The following PALLD variants were observed in gnomAD, a reference collection of about 807,000 sequenced individuals.
The protein encoded by PALLD is palladin, cytoskeletal associated protein, also known as palladin.
In PALLD, 61 loss-of-function variants were observed where a neutral mutation model predicts 123.5. The observed-to-expected ratio is 0.49, with a 90% CI of 0.40 to 0.61. The LOEUF is 0.61. PALLD is among the 20% of genes least tolerant of loss of function. The pLI, the probability that PALLD is intolerant of heterozygous loss-of-function variation, is 0.00. For synonymous variants in PALLD, 465 were observed against 496.4 expected (o/e 0.94, Z 0.84); for missense variants, 1,273 against 1,377.0 (o/e 0.92, Z 1.20).
chr4:168,918,356 A>C (rs1218593251), intron 17 of PALLD, among the ~76,000 whole-genome samples: 1 of 151,956 alleles, frequency 6.6e-6, no homozygotes, highest in Non-Finnish European at 1.5e-5. Flanking sequence ...ATACACACAC[A>C]GTGGAAAATT....
intron 8 of PALLD, among the ~76,000 whole-genome samples, chr4:168,693,057 C>T (rs780834930): frequency 5.3e-5 from 8 of 152,136 alleles, no homozygotes; most frequent in Non-Finnish European, 1.0e-4. Context: ...CACCCTGCGT[C>T]TTCATCACTT....
intron 10 of PALLD, among the ~76,000 whole-genome samples, chr4:168,862,206 A>G (rs1171228006): frequency 6.6e-6 from 1 of 152,218 alleles, no homozygotes; most frequent in Non-Finnish European, 1.5e-5. Context: ...TTGTTCTGTC[A>G]TCCAGTCTGG....
intron 18 of PALLD, among the ~76,000 whole-genome samples, chr4:168,922,446 C>T (rs1309366923): frequency 6.6e-6 from 1 of 152,156 alleles, no homozygotes; most frequent in Non-Finnish European, 1.5e-5. Context: ...TCACATGAGC[C>T]TTATGAGATA....
chr4:168,907,191 C>T (rs1362595550), intron 15 of PALLD, among the ~76,000 whole-genome samples: 1 of 152,176 alleles, frequency 6.6e-6, no homozygotes, highest in African/African-American at 2.4e-5. Flanking sequence ...CTGGCACATA[C>T]TATGCTTTCA....
chr4:168,855,952 A>G (rs1581779717), intron 10 of PALLD, among the ~76,000 whole-genome samples: 1 of 152,234 alleles, frequency 6.6e-6, no homozygotes, highest in African/African-American at 2.4e-5. Context: ...CCTCTCACCC[A>G]GGTGGTGCAC....
At chr4:168,752,038 C>T (rs1365841685) in intron 10 of PALLD, among the ~76,000 whole-genome samples, 1 of 152,184 alleles carries the variant, frequency 6.6e-6, no homozygotes, top group Admixed American at 6.5e-5. Context: ...ACTCAGTCCC[C>T]CTTGCCAAAT....
At chr4:168,556,918 C>G (rs531226310) in intron 2 of PALLD, among the ~76,000 whole-genome samples, 8 of 152,278 alleles carry the variant, frequency 5.3e-5, no homozygotes, top group Admixed American at 4.6e-4. Flanking sequence ...CTACTTTATT[C>G]TAGACAGCTC....
At chr4:168,799,084 G>C (rs974883819) in intron 10 of PALLD, among the ~76,000 whole-genome samples, 1 of 152,230 alleles carries the variant, frequency 6.6e-6, no homozygotes, top group African/African-American at 2.4e-5. Context: ...ACAGGAATCA[G>C]AAGTGAAGTA....
rs1773364648 is a variant in PALLD, at chr4:168,608,090, C to CTTGG, written c.909-60094_909-60091dup. Reference sequence around the variant, plus strand: ...GTTTTTACAATTCCAAAGAAGAGACCTTGGTTGGTCCACCTGTTTAGTTAA... The same window carrying CTTGG: ...GTTTTTACAATTCCAAAGAAGAGACCTTGGTTGGTTGGTCCACCTGTTTAGTTAA... On this transcript the variant is annotated intron_variant, in intron 2 of 21. Transcript: ENST00000505667. Among the ~76,000 whole-genome samples, 3 of 152,186 alleles carry CTTGG rather than the reference C, an allele frequency of 2.0e-5. No individual in the cohort carries two copies. In the South Asian group the frequency reaches 6.2e-4, roughly 32 times the overall value.
intron 10 of PALLD, among the ~76,000 whole-genome samples, chr4:168,807,772 C>A (rs747881813): frequency 6.6e-6 from 1 of 152,274 alleles, no homozygotes; most frequent in East Asian, 1.9e-4. Context: ...ATGGTGCAAT[C>A]TCAGCTCACT....
Position 168,639,824 on chromosome 4 carries a change from G to A in PALLD, c.909-28366G>A, listed in dbSNP as rs182410492. Among the ~76,000 whole-genome samples, 42 of 152,302 alleles carry A rather than the reference G, an allele frequency of 2.8e-4. 1 individual carries two copies. Among genetic ancestry groups the A allele is most frequent in the Middle Eastern group, 3.4e-3 (1 of 294 alleles). On this transcript the variant is annotated intron_variant, in intron 2 of 21. Coordinates refer to ENST00000505667, the MANE Select transcript of PALLD (RefSeq NM_001166108.2). ...CACCCAAAGTGCTGGGATTATAGGC[G>A]TGAGCCACCGTGCCCGGCCTGCCAC...
At position 168,903,923 on chromosome 4, in the gene PALLD, G is replaced by T. The variant is rs1285175091; in HGVS notation, c.2622+17G>T. 1.2e-6 allele frequency: 2 copies of T among 1,611,880 alleles called. No homozygotes were observed. Among genetic ancestry groups the T allele is most frequent in the Admixed American group, 3.3e-5 (2 of 60,028 alleles). ...AACCCTCAGGTAAAGAAGGGTATAG[G>T]TCTGGGCTCAGTTCTGTGTCTAGTG... is the stretch of plus-strand genomic sequence containing the variant. On this transcript the variant is annotated intron_variant, in intron 15 of 21. Transcript: ENST00000505667.
At chr4:168,719,561 A>C (rs901062404) in intron 10 of PALLD, among the ~76,000 whole-genome samples, 2 of 152,062 alleles carry the variant, frequency 1.3e-5, no homozygotes, top group African/African-American at 4.8e-5. Context: ...TGCCCAGCCA[A>C]AAGTATTATT....
At chr4:168,880,151 C>T (rs1178602237) in intron 10 of PALLD, among the ~76,000 whole-genome samples, 1 of 152,222 alleles carries the variant, frequency 6.6e-6, no homozygotes, top group Non-Finnish European at 1.5e-5. Context: ...TGATCAGTGA[C>T]TTTGAAACCT....
intron 8 of PALLD, among the ~76,000 whole-genome samples, chr4:168,702,321 C>T (rs1487316650): frequency 3.3e-4 from 50 of 152,184 alleles, no homozygotes; most frequent in South Asian, 4.2e-4. Context: ...GAGGCTGAGG[C>T]GGGTGGATCA....
chr4:168,899,347 C>T (rs1755945220), intron 14 of PALLD, among the ~76,000 whole-genome samples: 1 of 151,832 alleles, frequency 6.6e-6, no homozygotes, highest in South Asian at 2.1e-4. Context: ...ACTAGCCCAG[C>T]AAGGCAGTAA....
rs984477009 is a variant in PALLD, at chr4:168,571,993, G to A, written c.908+59581G>A. Among the ~76,000 whole-genome samples the A allele has an allele frequency of 8.5e-5, 13 of 152,112 alleles. 1 individual carries two copies. The highest frequency in any genetic ancestry group is 8.3e-4 in the South Asian group (4 of 4,822). On this transcript the variant is annotated intron_variant, in intron 2 of 21. Coordinates refer to ENST00000505667, the MANE Select transcript of PALLD (RefSeq NM_001166108.2). ...TGTAATCCCAGCACTTTGGGAGGCC[G>A]AGGCGGATGAATCTATTGTAGTATG...
chr4:168,631,446 C>A (rs977696367), intron 2 of PALLD, among the ~76,000 whole-genome samples: 3 of 152,242 alleles, frequency 2.0e-5, no homozygotes, highest in Admixed American at 6.5e-5. Context: ...CAATTCCCCC[C>A]GCCCCTGGGC....
intron 2 of PALLD, among the ~76,000 whole-genome samples, chr4:168,623,820 C>T (rs1239867230): frequency 6.6e-6 from 1 of 152,146 alleles, no homozygotes; most frequent in Non-Finnish European, 1.5e-5. Context: ...TATGAATACA[C>T]ATTCATCAAA....
Sources: allele counts gnomAD v4.1 joint callset (sites outside exome capture counted in the v4.1 genomes callset), GRCh38; gene constraint gnomAD v4.1.1; transcripts MANE v1.5; gene names NCBI Gene and HGNC (gene_info 2026-07-23, HGNC 2026-07-21).